RALGAPA1: variants seen among roughly 807,000 people sequenced by gnomAD.
RALGAPA1 encodes the protein Ral GTPase activating protein catalytic subunit alpha 1, also known as ral GTPase-activating protein subunit alpha-1.
RALGAPA1 carries 52 observed loss-of-function variants against 269.6 expected under a neutral mutation model. That is an observed-to-expected ratio of 0.19 (90% CI 0.15 to 0.24). The LOEUF (loss-of-function observed/expected upper bound fraction) is 0.24, where lower values mean the gene tolerates loss of function less well. Among genes scored for constraint, RALGAPA1 ranks in the 10% least tolerant of loss-of-function variants. The pLI is 1.00. For missense variants in RALGAPA1, 1,917 were observed against 3,013.9 expected, an observed-to-expected ratio of 0.64 and a Z score of 8.52; for synonymous variants, 817 against 1,008.3, an observed-to-expected ratio of 0.81 and a Z score of 3.60.
chr14:35,688,395 G>T lies in RALGAPA1; in HGVS notation c.3952+64C>A, dbSNP rs777270841. ...TTTTGATTGCTTATAGCTTGCTTCA[G>T]TTGCATTAAGCCAAACTGGTGCTGT... On this transcript the variant is annotated intron_variant, in intron 18 of 41. Coordinates refer to ENST00000680220, the MANE Select transcript of RALGAPA1 (RefSeq NM_001346249.2). 2.9e-4 allele frequency: 438 copies of T among 1,525,944 alleles called. 1 individual carries two copies. The highest frequency in any genetic ancestry group is 1.7e-4 in the Middle Eastern group (1 of 5,994). The allele number at this position is 1,525,944 out of a possible 1,614,324, so 94.5% of individuals were successfully genotyped here.
chr14:35,758,334 C>T (rs1003138562), intron 6 of RALGAPA1, among the ~76,000 whole-genome samples: 2 of 151,136 alleles, frequency 1.3e-5, no homozygotes, highest in African/African-American at 4.9e-5. Flanking sequence ...TCCTGGACCA[C>T]TGTCATCATA....
intron 27 of RALGAPA1, 80 bp from the exon 28 acceptor site, chr14:35,659,276 T>C: frequency 9.7e-7 from 1 of 1,031,368 alleles, no homozygotes; most frequent in Non-Finnish European, 1.5e-6. Flanking sequence ...AAGTGGTTAT[T>C]AAAGCAGTCT....
intron 10 of RALGAPA1, among the ~76,000 whole-genome samples, chr14:35,743,478 A>G (rs182151609): frequency 1.3e-5 from 2 of 152,302 alleles, no homozygotes; most frequent in Admixed American, 6.5e-5. Flanking sequence ...ACGACTTTTC[A>G]TAAGTTACAC....
In RALGAPA1 at chr14:35,691,065, G is replaced by A. The variant is rs895091366; in HGVS notation, c.2408-1062C>T. ...GCCTGGGCAACAAGAGCAAAACTCCGTCTCAAATAATAATAATAATAATAA... is the reference window on the plus strand; with the variant it reads ...GCCTGGGCAACAAGAGCAAAACTCCATCTCAAATAATAATAATAATAATAA... On this transcript the variant is annotated intron_variant, in intron 17 of 41. Coordinates refer to ENST00000680220, the MANE Select transcript of RALGAPA1 (RefSeq NM_001346249.2). Among the ~76,000 whole-genome samples the A allele has an allele frequency of 5.3e-5, 8 of 150,010 alleles. No homozygotes were observed. The East Asian group carries it at 7.8e-4, about 15-fold the overall frequency.
intron 25 of RALGAPA1, among the ~76,000 whole-genome samples, chr14:35,672,157 A>G (rs1452777497): frequency 6.6e-6 from 1 of 152,208 alleles, no homozygotes. Flanking sequence ...CATGTTTACA[A>G]GGTAGCACAC....
intron 16 of RALGAPA1, among the ~76,000 whole-genome samples, chr14:35,715,271 C>T (rs2068713232): frequency 6.6e-6 from 1 of 152,138 alleles, no homozygotes; most frequent in Non-Finnish European, 1.5e-5. Flanking sequence ...TGGGTAATTT[C>T]CTCAAATTTC....
intron 11 of RALGAPA1, 101 bp downstream of exon 11, chr14:35,742,267 T>G: frequency 1.1e-6 from 1 of 893,726 alleles, no homozygotes; most frequent in Non-Finnish European, 1.7e-6. Flanking sequence ...ATCTTTATCT[T>G]CCCATTTAAT....
At chr14:35,713,120 T>C (rs1234790676) in intron 16 of RALGAPA1, among the ~76,000 whole-genome samples, 2 of 152,180 alleles carry the variant, frequency 1.3e-5, no homozygotes, top group Admixed American at 1.3e-4. Flanking sequence ...AATATCACTA[T>C]GACAAGAAGG....
At position 35,674,234 on chromosome 14, in the gene RALGAPA1, AG is replaced by A. The variant is rs2064749406; in HGVS notation, c.4862del (p.Pro1621LeufsTer6). ...LGISTDNLTS[P>X]SPPVLIPPLR... is the part of the protein sequence containing the mutation. The stretch of plus-strand genomic sequence containing the variant: ...GTGGAGGAATTAAAACTGGTGGAGA[AG>A]GGGAGGTCAGGTTATCAGTTGAAAT... On this transcript the variant is annotated frameshift_variant, in exon 24 of 42. Coordinates refer to ENST00000680220, the MANE Select transcript of RALGAPA1 (RefSeq NM_001346249.2). LOFTEE classifies it high-confidence loss of function. 6.2e-7 allele frequency: 1 copy of A among 1,612,310 alleles called. No individual in the cohort carries two copies. The highest frequency in any genetic ancestry group is 1.7e-5 in the Admixed American group (1 of 59,978).
At chr14:35,637,280 C>T (rs1219258633) in intron 31 of RALGAPA1, among the ~76,000 whole-genome samples, 2 of 152,088 alleles carry the variant, frequency 1.3e-5, no homozygotes, top group East Asian at 3.9e-4. Context: ...ACAGAGAATT[C>T]AAAACAGCTG....
intron 13 of RALGAPA1, 115 bp downstream of exon 13, chr14:35,728,247 G>C (rs1242682779): frequency 5.4e-6 from 5 of 919,482 alleles, no homozygotes; most frequent in Non-Finnish European, 7.3e-6. Flanking sequence ...TTCAATAATA[G>C]GAGCCTCTAT....
intron 33 of RALGAPA1, among the ~76,000 whole-genome samples, chr14:35,630,273 AT>A (rs1053865884): frequency 1.3e-5 from 2 of 150,274 alleles, no homozygotes; most frequent in Non-Finnish European, 3.0e-5. Context: ...AAATATAAAC[AT>A]TTCTTAGCTT....
chr14:35,746,817 T>C (rs2072153254), intron 10 of RALGAPA1, among the ~76,000 whole-genome samples: 3 of 151,608 alleles, frequency 2.0e-5, no homozygotes, highest in Admixed American at 6.6e-5. Flanking sequence ...CTTGTATTGA[T>C]TAGGAAGAGG....
At chr14:35,695,288 A>G (rs1313427803) in intron 17 of RALGAPA1, among the ~76,000 whole-genome samples, 1 of 152,094 alleles carries the variant, frequency 6.6e-6, no homozygotes, top group Non-Finnish European at 1.5e-5. Flanking sequence ...TACAAGTGGA[A>G]AATATGTAAA....
chr14:35,635,218 A>C (rs1481040599), intron 32 of RALGAPA1, among the ~76,000 whole-genome samples: 1 of 152,132 alleles, frequency 6.6e-6, no homozygotes, highest in Non-Finnish European at 1.5e-5. Flanking sequence ...ACCTCTTACA[A>C]AGAATGACTA....
chr14:35,806,961 AAGCT>A (rs1189862530), intron 1 of RALGAPA1, among the ~76,000 whole-genome samples: 1 of 152,194 alleles, frequency 6.6e-6, no homozygotes, highest in Non-Finnish European at 1.5e-5. Flanking sequence ...CAAACCAAGC[AAGCT>A]AAGTCCTACA....
intron 37 of RALGAPA1, among the ~76,000 whole-genome samples, chr14:35,580,623 T>C (rs191310688): frequency 2.6e-5 from 4 of 152,308 alleles, no homozygotes; most frequent in Admixed American, 2.0e-4. Flanking sequence ...TCACAAGAAA[T>C]ATAAATGCTA....
intron 39 of RALGAPA1, among the ~76,000 whole-genome samples, chr14:35,570,396 CCTGTAAT>C (rs2057084965): frequency 6.6e-6 from 1 of 151,948 alleles, no homozygotes; most frequent in Non-Finnish European, 1.5e-5. Flanking sequence ...GTGGCTCACA[CCTGTAAT>C]CTCAGCACTT....
At chr14:35,547,700 T>C (rs2139072039) in intron 41 of RALGAPA1, among the ~76,000 whole-genome samples, 1 of 152,242 alleles carries the variant, frequency 6.6e-6, no homozygotes, top group African/African-American at 2.4e-5. Context: ...CTGGGTAATT[T>C]TGGATAGTGT....
Sources: gnomAD v4.1 joint callset for allele counts (sites outside exome capture counted in the v4.1 genomes callset) on GRCh38, gnomAD v4.1.1 for gene constraint, MANE v1.5 for transcripts, NCBI Gene and HGNC (gene_info 2026-07-23, HGNC 2026-07-21) for gene names.